Variants in XAB2 observed in about 807,000 individuals in gnomAD.
The protein encoded by XAB2 is pre-mRNA-splicing factor SYF1.
In XAB2, 57 loss-of-function variants were observed where a neutral mutation model predicts 113.4. That is an observed-to-expected ratio of 0.50 (90% CI 0.41 to 0.63). The LOEUF (loss-of-function observed/expected upper bound fraction) is 0.63. XAB2 is among the 20% of genes least tolerant of loss of function. The pLI, the probability that XAB2 is intolerant of heterozygous loss-of-function variation, is 0.00. For missense variants in XAB2, 1,037 were observed against 1,233.3 expected (o/e 0.84, Z 2.38); for synonymous variants, 497 against 498.8 (o/e 1.00, Z 0.05).
At position 7,627,971 on chromosome 19, in the gene XAB2, A is replaced by G. The variant is rs777511557; in HGVS notation, c.201-120T>C. The G allele has an allele frequency of 2.2e-4, 328 of 1,514,800 alleles. No individual in the cohort carries two copies. Among genetic ancestry groups the G allele is most frequent in the Non-Finnish European group, 2.9e-4 (326 of 1,120,542 alleles). The allele number at this position is 1,514,800 out of a possible 1,614,324, so 93.8% of individuals were successfully genotyped here. ...GGGTGTGGGAGGGGTGACATGTCTC[A>G]GCAATGACAGGGACAGACTGGGACA... On this transcript the variant is annotated intron_variant, in intron 2 of 18. Transcript: ENST00000358368. The surrounding 1 kb of genome is among the most constrained non-coding windows in gnomAD (Gnocchi z 4.5).
chr19:7,620,939 G>T lies in XAB2; in HGVS notation c.1878C>A (p.Ala626=). The T allele has an allele frequency of 6.3e-7, 1 of 1,593,400 alleles. No homozygotes were observed. ...AGATGTTGAACATGTCATACTGCTG[G>T]GCGGGCTCCACGGCCCTGGTGGCAC... The part of the protein sequence containing the change: ...YERATRAVEP[A]QQYDMFNIYI... Residue 626 remains alanine (A), a synonymous_variant, in exon 14 of 19, where the codon GCC becomes GCA. Coordinates refer to ENST00000358368, the MANE Select transcript of XAB2 (RefSeq NM_020196.3).
Position 7,627,238 on chromosome 19 carries a change from C to T in XAB2, c.522+5G>A, listed in dbSNP as rs1375209886. On this transcript the variant is annotated splice_donor_5th_base_variant and intron_variant, in intron 4 of 18. Coordinates refer to ENST00000358368, the MANE Select transcript of XAB2 (RefSeq NM_020196.3). The surrounding 1 kb of genome is among the most constrained non-coding windows in gnomAD (Gnocchi z 4.5). The stretch of plus-strand genomic sequence containing the variant: ...CTGGGGAACCAGCGCACCTGCTAGG[C>T]TCACCTTGAGGAAGCGCCGATAGCC... The T allele has an allele frequency of 6.2e-7, 1 of 1,611,602 alleles. No homozygotes were observed. The highest frequency in any genetic ancestry group is 1.1e-5 in the South Asian group (1 of 91,074).
At chr19:7,621,438 A>C in intron 12 of XAB2, 141 bp from the exon 13 acceptor site, 1 of 894,706 alleles carries the variant, frequency 1.1e-6, no homozygotes, top group Non-Finnish European at 1.7e-6. Flanking sequence ...CCTGTCCCTA[A>C]TGGCAGTTGT....
Position 7,625,849 on chromosome 19 carries a change from C to G in XAB2, c.822+31G>C. Reference sequence around the variant, plus strand: ...CGAGTGTCGGAGGGAGACCCCGCCCCGAACCCAGAGCCCCGTGTGCCAGCA... The same window carrying G: ...CGAGTGTCGGAGGGAGACCCCGCCCGGAACCCAGAGCCCCGTGTGCCAGCA... On this transcript the variant is annotated intron_variant, in intron 6 of 18. Coordinates refer to ENST00000358368, the MANE Select transcript of XAB2 (RefSeq NM_020196.3). This position sits in a 1 kb window ranked among gnomAD's most constrained non-coding sequence, Gnocchi z 5.2. 6.4e-7 allele frequency: 1 copy of G among 1,573,324 alleles called. No homozygotes were observed. Among genetic ancestry groups the G allele is most frequent in the Non-Finnish European group, 8.7e-7 (1 of 1,154,904 alleles).
intron 13 of XAB2, 27 bp downstream of exon 13, chr19:7,621,108 C>CCCCCCCCCT: frequency 6.5e-7 from 1 of 1,536,620 alleles, no homozygotes; most frequent in Non-Finnish European, 8.8e-7. Context: ...CGCCCGCCAC[C>CCCCCCCCCT]CCCCCCATGC....
rs759847926 is a variant in XAB2 at position 7,619,625 on chromosome 19, G to A, written c.2529C>T (p.Ser843=). 13 of 1,602,906 alleles carry A rather than the reference G, an allele frequency of 8.1e-6. No individual in the cohort carries two copies. Among genetic ancestry groups the A allele is most frequent in the Admixed American group, 3.4e-5 (2 of 59,314 alleles). Residue 843 remains serine (S), a synonymous_variant, in exon 19 of 19, where the codon AGC becomes AGT. Transcript: ENST00000358368. ...GGCTCCCAAACACTGCGGCTGGCAC[G>A]CTCTGCTGCTCCAGCCGAACCTCTG... ...EPNEVRLEQQ[S]VPAAVFGSLK...
In XAB2 at chr19:7,624,026, T is replaced by C; in HGVS notation, c.968-144A>G. 9.2e-7 allele frequency: 1 copy of C among 1,092,544 alleles called. No homozygotes were observed. The allele number at this position is 1,092,544 out of a possible 1,614,324, so 67.7% of individuals were successfully genotyped here. A position where few individuals can be genotyped will look rare whatever the true frequency, so the allele number is the denominator to read the frequency against. ...TAGACACTCAGCTCGGGTGTCCACC[T>C]GAGCCCCACCCCCAGCCCCAGGTAC... On this transcript the variant is annotated intron_variant, in intron 7 of 18. Coordinates refer to ENST00000358368, the MANE Select transcript of XAB2 (RefSeq NM_020196.3). The surrounding 1 kb of genome is among the most constrained non-coding windows in gnomAD (Gnocchi z 4.2).
rs1353673979 is a variant in XAB2 at position 7,626,056 on chromosome 19, G to T, written c.658-12C>A. On this transcript the variant is annotated splice_polypyrimidine_tract_variant and intron_variant, in intron 5 of 18. Transcript: ENST00000358368. The stretch of plus-strand genomic sequence containing the variant: ...AGCTCGTGCCACAGCTGCAGGGCAT[G>T]GGGCAGTGGGGGAGAGTCTCAGGCT... The T allele has an allele frequency of 6.2e-7, 1 of 1,608,146 alleles. No homozygotes were observed. Among genetic ancestry groups the T allele is most frequent in the South Asian group, 1.1e-5 (1 of 90,752 alleles).
At position 7,620,901 on chromosome 19, in the gene XAB2, G is replaced by A. The variant is rs368990102; in HGVS notation, c.1916C>T (p.Ala639Val). 33 of 1,603,070 alleles carry A rather than the reference G, an allele frequency of 2.1e-5. No homozygotes were observed. Among genetic ancestry groups the A allele is most frequent in the South Asian group, 1.8e-4 (16 of 89,088 alleles). ...GTGGGTGACCCCATAGATCTCGGCCGCCCGCTTGATGTAGATGTTGAACAT... is the reference window on the plus strand; with the variant it reads ...GTGGGTGACCCCATAGATCTCGGCCACCCGCTTGATGTAGATGTTGAACAT... ...YDMFNIYIKRAAEIYGVTHTR... is the reference protein window; with the variant it reads ...YDMFNIYIKRVAEIYGVTHTR... The change falls in exon 14 of 19, where the codon GCG becomes GTG. Residue 639 changes from alanine to valine, a missense_variant. Ala to Val is a moderately conservative substitution (Grantham distance 64). Transcript: ENST00000358368.
Position 7,622,408 on chromosome 19 carries a change from G to A in XAB2, c.1540C>T (p.Arg514Cys), listed in dbSNP as rs1198896907. The part of the protein sequence containing the change: ...KAVYDRILDL[R>C]IATPQIVINY... ...ATGACGATCTGGGGTGTTGCGATAC[G>A]CAGGTCCAGGATGCGGTCGTACACG... Residue 514 changes from arginine (R) to cysteine (C), a missense_variant, in exon 12 of 19, where the codon CGT becomes TGT. By Grantham distance (180) the Arg-to-Cys change is radical. Coordinates refer to ENST00000358368, the MANE Select transcript of XAB2 (RefSeq NM_020196.3). 31 of 1,614,080 alleles carry A rather than the reference G, an allele frequency of 1.9e-5. No individual in the cohort carries two copies. Among genetic ancestry groups the A allele is most frequent in the South Asian group, 3.3e-5 (3 of 91,096 alleles).
At position 7,621,290 on chromosome 19, in the gene XAB2, T is replaced by A. The variant is rs2031028513; in HGVS notation, c.1625A>T (p.Glu542Val). 6.2e-7 allele frequency: 1 copy of A among 1,612,786 alleles called. No homozygotes were observed. Among genetic ancestry groups the A allele is most frequent in the African/African-American group, 1.3e-5 (1 of 75,030 alleles). ...CCACTTGAACAGCGAGATGCCGCGC[T>A]CGTACGCCTGTTACCAGAGGGAGAG... ...KYFEESFKAY[E>V]RGISLFKWPN... Residue 542 changes from glutamate to valine, a missense_variant, in exon 13 of 19, where the codon GAG (glutamate) becomes GTG (valine). Transcript: ENST00000358368.
chr19:7,619,594 C>T lies in XAB2; in HGVS notation c.2560G>A (p.Glu854Lys), dbSNP rs1369526726. The change falls in exon 19 of 19, where the codon GAA becomes AAA. Residue 854 changes from glutamate to lysine, a missense_variant. Coordinates refer to ENST00000358368, the MANE Select transcript of XAB2 (RefSeq NM_020196.3). ...VPAAVFGSLK[E>K]D ...GATGGGGGAGGGACGGGTCAGTCTT[C>T]CTTCAGGCTCCCAAACACTGCGGCT... The T allele has an allele frequency of 5.6e-6, 9 of 1,595,774 alleles. No homozygotes were observed. In the East Asian group the frequency reaches 1.8e-4, roughly 32 times the overall value.
Position 7,629,366 on chromosome 19 carries a change from TG to T in XAB2, c.51+110del, listed in dbSNP as rs1407760173. ...CTGGCCCATTAGGGTTCCCAGACCT[TG>T]GCCTGGCAGTTTCGGCCTAAATCTC... On this transcript the variant is annotated intron_variant, in intron 1 of 18. Coordinates refer to ENST00000358368, the MANE Select transcript of XAB2 (RefSeq NM_020196.3). 3.7e-6 allele frequency: 5 copies of T among 1,340,304 alleles called. No homozygotes were observed. In the Admixed American group the frequency reaches 1.0e-4, roughly 27 times the overall value. 83.0% of individuals were successfully genotyped at this position (1,340,304 alleles called of 1,614,324 possible).
At chr19:7,622,090 A>C in intron 12 of XAB2, 1 of 493,056 alleles carries the variant, frequency 2.0e-6, no homozygotes, top group Middle Eastern at 5.6e-4. Flanking sequence ...CCACACAAAG[A>C]CATAGGGAGA....
Position 7,628,234 on chromosome 19 carries a change from A to G in XAB2, c.116T>C (p.Leu39Pro). The change falls in exon 2 of 19, where the codon CTT becomes CCT. Residue 39 changes from leucine (L) to proline (P), a missense_variant. Leu to Pro is a moderately conservative substitution (Grantham distance 98, BLOSUM62 -3). Transcript: ENST00000358368. The surrounding 1 kb of genome is among the most constrained non-coding windows in gnomAD (Gnocchi z 4.6). Reference sequence around the variant, plus strand: ...GCCCTGTTTGAACTCGATGTAGCGAAGCCAGCATTTGACAGAGAATTGGTT... The same window carrying G: ...GCCCTGTTTGAACTCGATGTAGCGAGGCCAGCATTTGACAGAGAATTGGTT... Reference protein sequence around the residue: ...MRNQFSVKCWLRYIEFKQGAP... With the variant: ...MRNQFSVKCWPRYIEFKQGAP... 6.2e-7 allele frequency: 1 copy of G among 1,614,142 alleles called. No homozygotes were observed.
At position 7,627,087 on chromosome 19, in the gene XAB2, T is replaced by C. The variant is rs1004456737; in HGVS notation, c.522+156A>G. 1.3e-5 allele frequency among the ~76,000 whole-genome samples: 2 copies of C among 152,100 alleles called. No homozygotes were observed. Among genetic ancestry groups the C allele is most frequent in the Non-Finnish European group, 2.9e-5 (2 of 68,018 alleles). The stretch of plus-strand genomic sequence containing the variant: ...CAGTGTGAACAAACTATTTGGAAAA[T>C]AAAGACATGAATCACGGACAACAAC... On this transcript the variant is annotated intron_variant, in intron 4 of 18. Transcript: ENST00000358368. This position sits in a 1 kb window ranked among gnomAD's most constrained non-coding sequence, Gnocchi z 4.5.
chr19:7,629,497 C>A lies in XAB2; in HGVS notation c.31G>T (p.Glu11Ter). MVVMARLSRP[E>*]RPDLVFEEED... is the part of the protein sequence containing the mutation. Reference sequence around the variant, plus strand: ...CTCACGAAGACAAGGTCCGGCCGCTCGGGCCGCGAGAGTCGCGCCATCACC... The same window carrying A: ...CTCACGAAGACAAGGTCCGGCCGCTAGGGCCGCGAGAGTCGCGCCATCACC... The change falls in exon 1 of 19, where the codon GAG becomes TAG. Residue 11 changes from glutamate (E) to a stop codon, truncating the protein, a stop_gained. Transcript: ENST00000358368. LOFTEE classifies it high-confidence loss of function. The A allele has an allele frequency of 6.2e-7, 1 of 1,603,980 alleles. No homozygotes were observed. The highest frequency in any genetic ancestry group is 8.5e-7 in the Non-Finnish European group (1 of 1,175,598).
At chr19:7,620,243 G>T in intron 16 of XAB2, 32 bp downstream of exon 16, 3 of 1,611,388 alleles carry the variant, frequency 1.9e-6, no homozygotes, top group Non-Finnish European at 2.5e-6. Flanking sequence ...AGATGCCCTG[G>T]ATCAGGAACT....
rs753179460 is a variant in XAB2 at position 7,619,634 on chromosome 19, C to T, written c.2520G>A (p.Glu840=). Residue 840 remains glutamate (E), a synonymous_variant, in exon 19 of 19, where the codon GAG becomes GAA. Coordinates refer to ENST00000358368, the MANE Select transcript of XAB2 (RefSeq NM_020196.3). ...ACACTGCGGCTGGCACGCTCTGCTG[C>T]TCCAGCCGAACCTCTGTGGGGAAGG... ...MDLEPNEVRL[E]QQSVPAAVFG... 3 of 1,603,820 alleles carry T rather than the reference C, an allele frequency of 1.9e-6. No homozygotes were observed. The highest frequency in any genetic ancestry group is 1.7e-6 in the Non-Finnish European group (2 of 1,174,638).
Sources: allele counts gnomAD v4.1 joint callset (sites outside exome capture counted in the v4.1 genomes callset), GRCh38; gene constraint gnomAD v4.1.1; non-coding constraint Gnocchi (gnomAD v3.1); transcripts MANE v1.5; gene names NCBI Gene and HGNC (gene_info 2026-07-23, HGNC 2026-07-21).